The following DENND1B variants were observed in gnomAD, a reference collection of about 807,000 sequenced individuals.
DENND1B encodes DENN domain-containing protein 1B.
DENND1B carries 59 observed loss-of-function variants against 90.1 expected under a neutral mutation model. That is an observed-to-expected ratio of 0.65 (90% CI 0.53 to 0.81). DENND1B has a LOEUF of 0.81. Ranked by LOEUF, DENND1B falls within the 40% of genes least tolerant of loss-of-function variation. The probability of loss-of-function intolerance (pLI) is 0.00; values close to 1 mark genes in which losing one functional copy is unlikely to be tolerated. For missense variants in DENND1B, 862 were observed against 912.6 expected (o/e 0.94, Z 0.71); for synonymous variants, 337 against 324.6 (o/e 1.04, Z -0.41).
chr1:197,649,565 A>T (rs1196041075), intron 7 of DENND1B, among the ~76,000 whole-genome samples: 1 of 152,154 alleles, frequency 6.6e-6, no homozygotes, highest in Non-Finnish European at 1.5e-5. Context: ...AATAAACCCA[A>T]ATACTAACAG....
At chr1:197,729,626 T>A (rs537933605) in intron 2 of DENND1B, among the ~76,000 whole-genome samples, 5 of 152,272 alleles carry the variant, frequency 3.3e-5, no homozygotes, top group African/African-American at 1.2e-4. Context: ...TAAATAGTAA[T>A]CATGTAGAAT....
At chr1:197,642,861 A>C in intron 9 of DENND1B, 40 bp from the exon 10 acceptor site, 1 of 1,440,166 alleles carries the variant, frequency 6.9e-7, no homozygotes, top group South Asian at 1.2e-5. Context: ...TACAGCTCAT[A>C]GTGAATGTGA....
chr1:197,520,558 G>C (rs1313907745), intron 20 of DENND1B, among the ~76,000 whole-genome samples: 8 of 151,812 alleles, frequency 5.3e-5, no homozygotes, highest in African/African-American at 1.9e-4. Context: ...AAATAAGAAG[G>C]TATAGAAGTT....
intron 2 of DENND1B, among the ~76,000 whole-genome samples, chr1:197,724,907 A>C (rs2488387): frequency 0.8 from 121,233 of 151,844 alleles, 48,495 homozygotes; most frequent in Middle Eastern, 0.87. Context: ...AATGATATTA[A>C]AACAGATTGA....
chr1:197,772,612 C>T (rs1315419851), intron 2 of DENND1B, among the ~76,000 whole-genome samples: 6 of 152,150 alleles, frequency 3.9e-5, no homozygotes, highest in Non-Finnish European at 8.8e-5. Flanking sequence ...CACTTGAGCC[C>T]AGGAGTTCAA....
At chr1:197,534,525 T>C (rs1235085617) in intron 20 of DENND1B, among the ~76,000 whole-genome samples, 1 of 152,184 alleles carries the variant, frequency 6.6e-6, no homozygotes, top group Non-Finnish European at 1.5e-5. Context: ...TAAGCAACTT[T>C]TTAAAAACCA....
intron 15 of DENND1B, among the ~76,000 whole-genome samples, chr1:197,571,531 A>G (rs917332299): frequency 6.6e-6 from 1 of 152,218 alleles, no homozygotes; most frequent in African/African-American, 2.4e-5. Context: ...TCACCTTTTC[A>G]GTAGTGCCTT....
intron 13 of DENND1B, among the ~76,000 whole-genome samples, chr1:197,603,630 T>C (rs1676405162): frequency 1.3e-5 from 2 of 151,298 alleles, no homozygotes; most frequent in Admixed American, 6.6e-5. Context: ...TTTACAATTG[T>C]TTAATATTCA....
chr1:197,769,961 T>A lies in DENND1B; in HGVS notation c.82+2907A>T, dbSNP rs188237435. ...TAAATCTCTCAATTTGGCAAAAAAATTTACTTTTATAGCCCTCTTATAGTT... is the reference window on the plus strand; with the variant it reads ...TAAATCTCTCAATTTGGCAAAAAAAATTACTTTTATAGCCCTCTTATAGTT... On this transcript the variant is annotated intron_variant, in intron 2 of 22. Transcript: ENST00000620048. Among the ~76,000 whole-genome samples the A allele has an allele frequency of 7.9e-5, 12 of 152,210 alleles. No individual in the cohort carries two copies. The East Asian group carries it at 1.4e-3, about 17-fold the overall frequency.
chr1:197,640,969 C>G (rs1194694671), intron 10 of DENND1B, among the ~76,000 whole-genome samples: 1 of 152,158 alleles, frequency 6.6e-6, no homozygotes, highest in Admixed American at 6.5e-5. Flanking sequence ...AATACTACCT[C>G]ATTGGAGAGG....
intron 20 of DENND1B, among the ~76,000 whole-genome samples, chr1:197,538,320 G>A (rs1670069190): frequency 6.6e-6 from 1 of 151,980 alleles, no homozygotes; most frequent in South Asian, 2.1e-4. Context: ...AAAAACAACA[G>A]AAAAATCAAT....
intron 2 of DENND1B, among the ~76,000 whole-genome samples, chr1:197,739,888 T>C (rs758445841): frequency 1.3e-5 from 2 of 152,202 alleles, no homozygotes; most frequent in Non-Finnish European, 2.9e-5. Flanking sequence ...CTTCCACCAA[T>C]TTCTAAGAAA....
chr1:197,614,714 T>C (rs1029532512), intron 11 of DENND1B, among the ~76,000 whole-genome samples: 23 of 150,884 alleles, frequency 1.5e-4, no homozygotes, highest in African/African-American at 5.1e-4. Context: ...AGCAGTCTAT[T>C]GGGGTAGTCT....
At chr1:197,768,782 T>C (rs572202870) in intron 2 of DENND1B, among the ~76,000 whole-genome samples, 1 of 152,104 alleles carries the variant, frequency 6.6e-6, no homozygotes, top group South Asian at 2.1e-4. Context: ...ACCCCTCTTA[T>C]GGCATTTTTT....
chr1:197,718,871 C>G (rs753802475), intron 2 of DENND1B, among the ~76,000 whole-genome samples: 5 of 152,050 alleles, frequency 3.3e-5, no homozygotes, highest in Non-Finnish European at 7.4e-5. Flanking sequence ...AGAGATAAAG[C>G]TGGATTGGCA....
chr1:197,715,266 T>C (rs1660538794), intron 2 of DENND1B, among the ~76,000 whole-genome samples, 192 bp from the exon 3 acceptor site: 1 of 152,006 alleles, frequency 6.6e-6, no homozygotes, highest in Non-Finnish European at 1.5e-5. Flanking sequence ...TTTTAAGAAA[T>C]GTAATGACCT....
intron 20 of DENND1B, among the ~76,000 whole-genome samples, chr1:197,526,675 T>G (rs1571740557): frequency 6.6e-6 from 1 of 152,116 alleles, no homozygotes; most frequent in Non-Finnish European, 1.5e-5. Flanking sequence ...TCAAAATATA[T>G]ACTGAACATG....
intron 16 of DENND1B, among the ~76,000 whole-genome samples, chr1:197,548,494 G>A (rs1299140682): frequency 6.6e-6 from 1 of 151,728 alleles, no homozygotes; most frequent in African/African-American, 2.4e-5. Flanking sequence ...GTTTAGTATG[G>A]TACATAGTAT....
chr1:197,714,707 ATT>A (rs1273283115), intron 3 of DENND1B, among the ~76,000 whole-genome samples: 1 of 152,152 alleles, frequency 6.6e-6, no homozygotes, highest in Non-Finnish European at 1.5e-5. Flanking sequence ...AAGATTTCAT[ATT>A]GTCAACTTTT....
Sources: gnomAD v4.1 joint callset for allele counts (sites outside exome capture counted in the v4.1 genomes callset) on GRCh38, gnomAD v4.1.1 for gene constraint, MANE v1.5 for transcripts, NCBI Gene and HGNC (gene_info 2026-07-23, HGNC 2026-07-21) for gene names.